Variants in WDR49 observed in about 807,000 individuals in gnomAD.
WDR49 encodes the protein cilia- and flagella-associated protein 337.
WDR49 carries 107 observed loss-of-function variants against 119.5 expected under a neutral mutation model. The observed-to-expected ratio is 0.90, with a 90% CI of 0.77 to 1.05. The LOEUF (loss-of-function observed/expected upper bound fraction) is 1.05, where lower values mean the gene tolerates loss of function less well. WDR49 is among the 50% of genes least tolerant of loss of function. The probability of loss-of-function intolerance (pLI) is 0.00; values close to 1 mark genes in which losing one functional copy is unlikely to be tolerated. For synonymous variants in WDR49, 425 were observed against 418.8 expected (o/e 1.01, Z -0.18); for missense variants, 1,240 against 1,220.5 (o/e 1.02, Z -0.24).
At chr3:167,653,656 A>T (rs1445718740) in intron 1 of WDR49, among the ~76,000 whole-genome samples, 157 bp from the exon 2 acceptor site, 2 of 152,200 alleles carry the variant, frequency 1.3e-5, no homozygotes, top group African/African-American at 2.4e-5. Flanking sequence ...TTCAAAATTT[A>T]CAGTTGAATG....
chr3:167,602,383 CT>C, intron 6 of WDR49, 108 bp from the exon 7 acceptor site: 15 of 1,024,146 alleles, frequency 1.5e-5, no homozygotes, highest in Non-Finnish European at 1.9e-5. Context: ...TGAATGTCAA[CT>C]GTAGGTTGAC....
chr3:167,620,512 T>C lies in WDR49; in HGVS notation c.875A>G (p.Asn292Ser). The C allele has an allele frequency of 6.5e-7, 1 of 1,536,074 alleles. No individual in the cohort carries two copies. ...CEDGEATMTI[N>S]WAELLSGCHK... is the part of the protein sequence containing the mutation. The stretch of plus-strand genomic sequence containing the variant: ...ACATCCAGAGAGCAGCTCTGCCCAG[T>C]TAATGGTCATAGTGGCTTCTCCATC... The change falls in exon 5 of 19, where the codon AAC becomes AGC. Residue 292 changes from asparagine to serine, a missense_variant. Transcript: ENST00000682715.
At chr3:167,657,251 A>C (rs1192172484), upstream of WDR49, among the ~76,000 whole-genome samples, 2 of 152,234 alleles carry the variant, frequency 1.3e-5, no homozygotes, top group Non-Finnish European at 2.9e-5. Flanking sequence ...TATGTTTTAC[A>C]CAGAGAAAAT....
At chr3:167,536,712 C>CATATATAT (rs57802270) in intron 11 of WDR49, among the ~76,000 whole-genome samples, 158 bp downstream of exon 11, 16 of 136,894 alleles carry the variant, frequency 1.2e-4, no homozygotes, top group African/African-American at 3.5e-4. Flanking sequence ...TATACACACA[C>CATATATAT]ATATATATAT....
upstream of WDR49, among the ~76,000 whole-genome samples, chr3:167,655,463 T>C (rs1406935342): frequency 6.6e-6 from 1 of 152,156 alleles, no homozygotes; most frequent in Non-Finnish European, 1.5e-5. Flanking sequence ...TCTGAGCTGG[T>C]GTTCACTAGA....
intron 7 of WDR49, among the ~76,000 whole-genome samples, chr3:167,584,364 TG>T (rs1374097302): frequency 6.6e-6 from 1 of 152,140 alleles, no homozygotes; most frequent in Non-Finnish European, 1.5e-5. Flanking sequence ...ATCTTAAAGA[TG>T]TCAAACATTA....
chr3:167,633,593 A>G, intron 2 of WDR49: 1 of 429,152 alleles, frequency 2.3e-6, no homozygotes, highest in South Asian at 1.7e-5. Context: ...CAATCTAAAA[A>G]ATGAACTTGC....
At chr3:167,588,958 C>T (rs1410851606) in intron 7 of WDR49, among the ~76,000 whole-genome samples, 1 of 151,492 alleles carries the variant, frequency 6.6e-6, no homozygotes, top group African/African-American at 2.4e-5. Context: ...CCCACTCATC[C>T]ATTTTTTCTT....
At chr3:167,569,401 G>C (rs547093814) in intron 8 of WDR49, among the ~76,000 whole-genome samples, 3 of 151,972 alleles carry the variant, frequency 2.0e-5, no homozygotes, top group Non-Finnish European at 4.4e-5. Flanking sequence ...AATAAAATAG[G>C]CTAGTACATA....
chr3:167,638,464 G>T (rs1717724981), intron 2 of WDR49, among the ~76,000 whole-genome samples: 1 of 151,400 alleles, frequency 6.6e-6, no homozygotes, highest in Admixed American at 6.6e-5. Context: ...TAACATGCTG[G>T]TTTCTCATGC....
At position 167,529,209 on chromosome 3, in the gene WDR49, G is replaced by T. The variant is rs143989688; in HGVS notation, c.2249C>A (p.Ser750Tyr). 61 of 1,605,994 alleles carry T rather than the reference G, an allele frequency of 3.8e-5. No individual in the cohort carries two copies. The African/African-American group carries it at 8.0e-4, about 21-fold the overall frequency. The change falls in exon 14 of 19, where the codon TCT becomes TAT. Residue 750 changes from serine (S) to tyrosine (Y), a missense_variant. Physicochemically the swap from Ser to Tyr is moderately radical, Grantham distance 144. Transcript: ENST00000682715. ...GGANLVSCGGSGYVRFWDIYK... is the reference protein window; with the variant it reads ...GGANLVSCGGYGYVRFWDIYK... ...TATATCCCAAAATCTGACATAACCA[G>T]ATCCTCCACATGATACCAGGTTAGC...
chr3:167,546,214 C>T (rs945493472), intron 10 of WDR49, among the ~76,000 whole-genome samples: 1 of 151,878 alleles, frequency 6.6e-6, no homozygotes. Flanking sequence ...AGAGAATTAA[C>T]ACCAAAAGCA....
chr3:167,602,236 G>T lies in WDR49; in HGVS notation c.1166C>A (p.Pro389His). ...ACCCACTGGTTTAGAGACAACATAG[G>T]GATTCCAAAGGCAAACTTTATTGTT... The part of the protein sequence containing the change: ...GINNKVCLWN[P>H]YVVSKPVGVL... The change falls in exon 7 of 19, where the codon CCC (proline) becomes CAC (histidine). Residue 389 changes from proline (P) to histidine (H), a missense_variant. Pro to His is a moderately conservative substitution (Grantham distance 77). Transcript: ENST00000682715. 1 of 1,594,264 alleles carries T rather than the reference G, an allele frequency of 6.3e-7. No homozygotes were observed. Among genetic ancestry groups the T allele is most frequent in the Non-Finnish European group, 8.6e-7 (1 of 1,165,552 alleles).
At chr3:167,529,896 T>C (rs1285407418) in intron 13 of WDR49, among the ~76,000 whole-genome samples, 1 of 152,142 alleles carries the variant, frequency 6.6e-6, no homozygotes, top group Non-Finnish European at 1.5e-5. Flanking sequence ...GTTCCTATTA[T>C]TTGATAAATC....
intron 9 of WDR49, among the ~76,000 whole-genome samples, chr3:167,557,602 A>C (rs1713011953): frequency 6.6e-6 from 1 of 151,980 alleles, no homozygotes; most frequent in African/African-American, 2.4e-5. Context: ...AAATACAAAA[A>C]ATTAGCCGGG....
At chr3:167,576,277 T>G (rs1714249822) in intron 7 of WDR49, 126 bp from the exon 8 acceptor site, 1 of 718,926 alleles carries the variant, frequency 1.4e-6, no homozygotes, top group South Asian at 1.9e-5. Context: ...CTATAATTGG[T>G]TCTCAATTCT....
intron 3 of WDR49, among the ~76,000 whole-genome samples, chr3:167,625,318 A>AT (rs1717083327): frequency 6.6e-6 from 1 of 152,042 alleles, no homozygotes; most frequent in Non-Finnish European, 1.5e-5. Flanking sequence ...AGAGGGTACA[A>AT]TTTTTGGTAT....
At chr3:167,559,381 G>A (rs1456765196) in intron 9 of WDR49, among the ~76,000 whole-genome samples, 2 of 152,154 alleles carry the variant, frequency 1.3e-5, no homozygotes, top group African/African-American at 2.4e-5. Flanking sequence ...TGGGGCTGAG[G>A]GGGGCAGAGA....
chr3:167,512,194 G>A (rs530323220), intron 16 of WDR49, among the ~76,000 whole-genome samples: 12 of 152,022 alleles, frequency 7.9e-5, no homozygotes, highest in Non-Finnish European at 1.3e-4. Flanking sequence ...CCTCATACAG[G>A]AGAGCTCCCA....
Sources: allele counts gnomAD v4.1 joint callset (sites outside exome capture counted in the v4.1 genomes callset), GRCh38; gene constraint gnomAD v4.1.1; transcripts MANE v1.5; gene names NCBI Gene and HGNC (gene_info 2026-07-23, HGNC 2026-07-21).